The following MGAT4C variants were observed in gnomAD, a reference collection of about 807,000 sequenced individuals.
MGAT4C encodes MGAT4 family member C.
Under a neutral mutation model 40.1 loss-of-function variants are expected in MGAT4C, and 19 were observed. The ratio of observed to expected loss-of-function variants is 0.47; its 90% CI spans 0.33 to 0.70. The LOEUF is 0.70. Among genes scored for constraint, MGAT4C ranks in the 30% least tolerant of loss-of-function variants. MGAT4C has a pLI of 0.02. For synonymous variants in MGAT4C, 181 were observed against 187.1 expected (o/e 0.97, Z 0.27); for missense variants, 491 against 563.2 (o/e 0.87, Z 1.30).
chr12:86,162,531 G>T (rs1885708411), intron 1 of MGAT4C, among the ~76,000 whole-genome samples: 1 of 151,936 alleles, frequency 6.6e-6, no homozygotes, highest in African/African-American at 2.4e-5. Flanking sequence ...ACTACCTATT[G>T]GGTACTATGC....
chr12:86,229,779 G>A (rs1042061865), intron 1 of MGAT4C, among the ~76,000 whole-genome samples: 1 of 152,002 alleles, frequency 6.6e-6, no homozygotes, highest in Non-Finnish European at 1.5e-5. Flanking sequence ...TGATGACGAA[G>A]AACTTGGATT....
chr12:86,244,630 A>G (rs968864027), intron 1 of MGAT4C, among the ~76,000 whole-genome samples: 2 of 152,214 alleles, frequency 1.3e-5, no homozygotes, highest in Non-Finnish European at 2.9e-5. Flanking sequence ...TAAAGCCTAG[A>G]GGCTAATGGG....
intron 2 of MGAT4C, among the ~76,000 whole-genome samples, chr12:86,626,884 C>A (rs1962822748): frequency 6.6e-6 from 1 of 152,176 alleles, no homozygotes; most frequent in Admixed American, 6.5e-5. Flanking sequence ...GTGGGTGCAA[C>A]CCACAGAGGG....
chr12:86,359,620 T>C (rs987517862), intron 3 of MGAT4C, among the ~76,000 whole-genome samples: 4 of 151,862 alleles, frequency 2.6e-5, no homozygotes, highest in East Asian at 1.9e-4. Context: ...AAGAATCAAA[T>C]AGACGCAATA....
At chr12:86,769,285 C>T (rs1357298473) in intron 1 of MGAT4C, among the ~76,000 whole-genome samples, 3 of 152,026 alleles carry the variant, frequency 2.0e-5, no homozygotes, top group Admixed American at 1.3e-4. Context: ...CATCACTGGC[C>T]ATCAGAGAAA....
chr12:86,288,849 C>T (rs1329826331), intron 4 of MGAT4C, among the ~76,000 whole-genome samples: 4 of 152,098 alleles, frequency 2.6e-5, no homozygotes, highest in Admixed American at 2.0e-4. Flanking sequence ...AATTTTCTCC[C>T]ATTCTGTAGG....
At chr12:86,517,557 C>A (rs1480457795) in intron 2 of MGAT4C, among the ~76,000 whole-genome samples, 1 of 152,118 alleles carries the variant, frequency 6.6e-6, no homozygotes, top group African/African-American at 2.4e-5. Context: ...CCTGGGAAAA[C>A]CAGGACAAAC....
At chr12:86,805,035 C>G (rs914052457) in intron 1 of MGAT4C, among the ~76,000 whole-genome samples, 2 of 152,006 alleles carry the variant, frequency 1.3e-5, no homozygotes, top group African/African-American at 4.8e-5. Context: ...AATTTCTCTA[C>G]AAAGTGTTTG....
At chr12:86,172,763 T>C (rs1485248662) in intron 1 of MGAT4C, among the ~76,000 whole-genome samples, 1 of 152,100 alleles carries the variant, frequency 6.6e-6, no homozygotes, top group Non-Finnish European at 1.5e-5. Flanking sequence ...TAGCACTTAA[T>C]TTTTTTAGAT....
chr12:86,725,615 C>T (rs1221113600), intron 2 of MGAT4C, among the ~76,000 whole-genome samples: 2 of 152,058 alleles, frequency 1.3e-5, no homozygotes, highest in African/African-American at 2.4e-5. Context: ...CGCACGCTGC[C>T]TCGCCCGGCT....
chr12:86,575,289 TCAAA>T (rs1376918826), intron 2 of MGAT4C, among the ~76,000 whole-genome samples: 2 of 151,868 alleles, frequency 1.3e-5, no homozygotes, highest in Non-Finnish European at 2.9e-5. Context: ...TGTTGTGCTA[TCAAA>T]CAGTCAGTCT....
intron 3 of MGAT4C, among the ~76,000 whole-genome samples, chr12:86,375,946 T>C (rs1955814416): frequency 6.6e-6 from 1 of 152,110 alleles, no homozygotes; most frequent in African/African-American, 2.4e-5. Context: ...GGAAAGTCAA[T>C]GATCATAACC....
intron 1 of MGAT4C, among the ~76,000 whole-genome samples, chr12:86,111,682 T>G (rs142373155): frequency 6.6e-6 from 1 of 151,948 alleles, no homozygotes; most frequent in African/African-American, 2.4e-5. Context: ...AAACCTTTCC[T>G]AAAAACACTT....
At chr12:86,786,328 A>G (rs1951930612) in intron 1 of MGAT4C, among the ~76,000 whole-genome samples, 1 of 152,102 alleles carries the variant, frequency 6.6e-6, no homozygotes, top group Non-Finnish European at 1.5e-5. Context: ...GTTTCTAACA[A>G]ATGGTTGAAT....
At chr12:86,014,314 AGTTTTGGAC>A (rs1468927016) in intron 2 of MGAT4C, among the ~76,000 whole-genome samples, 4 of 152,144 alleles carry the variant, frequency 2.6e-5, no homozygotes, top group African/African-American at 9.7e-5. Context: ...CTGGGAAACT[AGTTTTGGAC>A]GTTCCATCCC....
intron 1 of MGAT4C, among the ~76,000 whole-genome samples, chr12:86,833,554 G>GT (rs1327453227): frequency 6.6e-6 from 1 of 151,894 alleles, no homozygotes; most frequent in African/African-American, 2.4e-5. Context: ...TTTCCTCTGT[G>GT]TAAGTCTGTG....
intron 2 of MGAT4C, among the ~76,000 whole-genome samples, chr12:86,443,162 T>C (rs545284683): frequency 6.6e-6 from 1 of 152,144 alleles, no homozygotes; most frequent in East Asian, 1.9e-4. Flanking sequence ...GAAGTATATT[T>C]ATATTTCCAC....
Position 85,983,569 on chromosome 12 carries a change from T to A in MGAT4C, c.249A>T (p.Ile83=). 5 of 1,599,752 alleles carry A rather than the reference T, an allele frequency of 3.1e-6. No individual in the cohort carries two copies. The highest frequency in any genetic ancestry group is 4.3e-6 in the Non-Finnish European group (5 of 1,173,592). ...FKDLSNFSGA[I]NVTYRYLAAT... ...CAGCTAGGTAGCGATAGGTGACATT[T>A]ATGGCTCCTGAGAAATTAGATAAAT... The change falls in exon 4 of 5, where the codon ATA becomes ATT. Residue 83 remains isoleucine (I), a synonymous_variant. Transcript: ENST00000611864.
chr12:86,502,500 G>C (rs996360962), intron 2 of MGAT4C, among the ~76,000 whole-genome samples: 1 of 151,748 alleles, frequency 6.6e-6, no homozygotes, highest in East Asian at 1.9e-4. Context: ...GTTAACTGTG[G>C]ACTTTGGTCA....
Sources: allele counts gnomAD v4.1 joint callset (sites outside exome capture counted in the v4.1 genomes callset), GRCh38; gene constraint gnomAD v4.1.1; transcripts MANE v1.5; gene names NCBI Gene and HGNC (gene_info 2026-07-23, HGNC 2026-07-21).